Variants in GAS7 observed in about 807,000 individuals in gnomAD.
GAS7 encodes growth arrest specific 7, also known as growth arrest-specific protein 7.
GAS7 carries 28 observed loss-of-function variants against 71.1 expected under a neutral mutation model. The observed-to-expected ratio is 0.39, with a 90% CI of 0.29 to 0.54. The LOEUF is 0.54. GAS7 is among the 20% of genes least tolerant of loss of function. The pLI, the probability that GAS7 is intolerant of heterozygous loss-of-function variation, is 0.62. For synonymous variants in GAS7, 258 were observed against 245.8 expected, an observed-to-expected ratio of 1.05 and a Z score of -0.46; for missense variants, 436 against 627.8, an observed-to-expected ratio of 0.69 and a Z score of 3.27.
At position 9,918,037 on chromosome 17, in the gene GAS7, C is replaced by T. The variant is rs568083945; in HGVS notation, c.1281G>A (p.Thr427=). ...EMIRQHLCQY[T]QLRHETDMFN... ...ACATGTCTGTTTCATGCCGCAGCTG[C>T]GTGTACTGGCACAGGTGCTGCCGGA... Residue 427 remains threonine, a synonymous_variant, in exon 13 of 14, where the codon ACG becomes ACA. Coordinates refer to ENST00000432992, the MANE Select transcript of GAS7 (RefSeq NM_201433.2). The T allele has an allele frequency of 1.3e-4, 215 of 1,613,816 alleles. 1 individual carries two copies. Among genetic ancestry groups the T allele is most frequent in the South Asian group, 6.6e-4 (60 of 91,084 alleles).
intron 2 of GAS7, among the ~76,000 whole-genome samples, chr17:10,001,156 C>T (rs1036577829): frequency 6.6e-6 from 1 of 151,984 alleles, no homozygotes; most frequent in Non-Finnish European, 1.5e-5. Context: ...CTAGAAGATT[C>T]GAGCAGGAAA....
intron 1 of GAS7, among the ~76,000 whole-genome samples, chr17:10,174,648 C>G (rs554299472): frequency 0.022 from 3,336 of 151,604 alleles, 146 homozygotes; most frequent in African/African-American, 0.077. Flanking sequence ...GCTGAGATCG[C>G]ACCACTGCAC....
intron 1 of GAS7, among the ~76,000 whole-genome samples, chr17:10,155,118 G>A (rs1448217286): frequency 6.6e-5 from 10 of 151,926 alleles, no homozygotes; most frequent in African/African-American, 1.9e-4. Context: ...GGGTTCAAGC[G>A]ATTCTCCTGT....
At chr17:9,968,232 G>A (rs2069803717) in intron 4 of GAS7, among the ~76,000 whole-genome samples, 1 of 152,200 alleles carries the variant, frequency 6.6e-6, no homozygotes, top group Non-Finnish European at 1.5e-5. Flanking sequence ...AGCCACGGTT[G>A]ATTCATGATG....
intron 1 of GAS7, among the ~76,000 whole-genome samples, chr17:10,148,771 A>G (rs1349577369): frequency 9.9e-5 from 14 of 141,834 alleles, no homozygotes; most frequent in Non-Finnish European, 1.9e-4. Flanking sequence ...TTAGCTGGGC[A>G]TGGTGGCGGG....
chr17:10,056,532 A>T (rs2152239618), intron 1 of GAS7, among the ~76,000 whole-genome samples: 1 of 149,972 alleles, frequency 6.7e-6, no homozygotes, highest in Non-Finnish European at 1.5e-5. Context: ...AAATAAATTA[A>T]AAAAAAAAGA....
At chr17:10,056,847 C>T (rs2073145647) in intron 1 of GAS7, among the ~76,000 whole-genome samples, 1 of 152,196 alleles carries the variant, frequency 6.6e-6, no homozygotes, top group African/African-American at 2.4e-5. Flanking sequence ...CGAGCCGAAG[C>T]TAGACTGTAC....
Position 10,057,581 on chromosome 17 carries a change from G to A in GAS7, c.184-37684C>T, listed in dbSNP as rs954716134. Among the ~76,000 whole-genome samples, 3 of 142,920 alleles carry A rather than the reference G, an allele frequency of 2.1e-5. No individual in the cohort carries two copies. The East Asian group carries it at 6.3e-4, about 30-fold the overall frequency. The allele number at this position is 142,920 out of a possible 152,430, so 93.8% of individuals were successfully genotyped here. A position where few individuals can be genotyped will look rare whatever the true frequency, so the allele number is the denominator to read the frequency against. The stretch of plus-strand genomic sequence containing the variant: ...GGCAGCCGCCCCGTCAGGGAGGGAG[G>A]TGGGGGGCAGCCCCCGCCCGGCCAG... On this transcript the variant is annotated intron_variant, in intron 1 of 13. Transcript: ENST00000432992.
intron 11 of GAS7, among the ~76,000 whole-genome samples, chr17:9,921,127 T>C (rs181182218): frequency 2.0e-5 from 3 of 151,630 alleles, no homozygotes; most frequent in Admixed American, 2.0e-4. Context: ...GAGAAGAAAG[T>C]GGATGCTGCA....
intron 1 of GAS7, among the ~76,000 whole-genome samples, chr17:10,086,362 G>A (rs1354474516): frequency 6.6e-6 from 1 of 152,134 alleles, no homozygotes; most frequent in South Asian, 2.1e-4. Flanking sequence ...GATCATATCT[G>A]GGGAGATAAG....
At chr17:9,936,472 A>T (rs1352485004) in intron 8 of GAS7, among the ~76,000 whole-genome samples, 5 of 152,104 alleles carry the variant, frequency 3.3e-5, no homozygotes, top group Non-Finnish European at 7.4e-5. Context: ...AGGAAGAACC[A>T]TGGTTTTCCC....
intron 1 of GAS7, among the ~76,000 whole-genome samples, chr17:10,093,629 A>G (rs569352789): frequency 8.6e-5 from 13 of 151,274 alleles, no homozygotes; most frequent in Non-Finnish European, 1.2e-4. Context: ...GCTCCCATGG[A>G]AAGAGGGGCC....
intron 1 of GAS7, among the ~76,000 whole-genome samples, chr17:10,048,916 T>C (rs982431955): frequency 7.2e-5 from 11 of 152,200 alleles, no homozygotes; most frequent in African/African-American, 2.7e-4. Flanking sequence ...ATTTTCCAGC[T>C]CATTGCGGGG....
chr17:10,190,804 A>C (rs1343609131), intron 1 of GAS7, among the ~76,000 whole-genome samples: 1 of 151,968 alleles, frequency 6.6e-6, no homozygotes. Context: ...CACATAAAAT[A>C]CACTAACGCT....
rs377301600 is a variant in GAS7 at position 9,981,148 on chromosome 17, C to T, written c.385+656G>A. ...CTCTACTAAAAATACACAAATTAGC[C>T]GGGTGTGGTGGTGCGCACCTGCAAT... On this transcript the variant is annotated intron_variant, in intron 3 of 13. Coordinates refer to ENST00000432992, the MANE Select transcript of GAS7 (RefSeq NM_201433.2). The surrounding 1 kb of genome is among the most constrained non-coding windows in gnomAD (Gnocchi z 4.4). 3.3e-3 allele frequency among the ~76,000 whole-genome samples: 509 copies of T among 152,110 alleles called. 3 individuals carry two copies. Among genetic ancestry groups the T allele is most frequent in the African/African-American group, 0.011 (470 of 41,496 alleles).
intron 1 of GAS7, among the ~76,000 whole-genome samples, chr17:10,132,632 G>C (rs1041036101): frequency 1.3e-5 from 2 of 152,106 alleles, no homozygotes; most frequent in African/African-American, 2.4e-5. Context: ...TCCGGGTATG[G>C]TGGTGCGCGC....
intron 1 of GAS7, among the ~76,000 whole-genome samples, chr17:10,126,456 A>G (rs529463210): frequency 2.0e-5 from 3 of 151,392 alleles, no homozygotes; most frequent in South Asian, 2.1e-4. Context: ...GCGCGCGCAC[A>G]CGCACTCATG....
chr17:9,948,541 G>C (rs2068878551), intron 5 of GAS7, among the ~76,000 whole-genome samples: 2 of 152,254 alleles, frequency 1.3e-5, no homozygotes, highest in South Asian at 4.1e-4. Context: ...AAATTAGCCA[G>C]GCGTGGTGGC....
rs148532188 is a variant in GAS7 at position 10,059,446 on chromosome 17, T to C, written c.184-39549A>G. On this transcript the variant is annotated intron_variant, in intron 1 of 13. Coordinates refer to ENST00000432992, the MANE Select transcript of GAS7 (RefSeq NM_201433.2). ...CCCCTGCCCAAGTGGCTTTCTCTTC[T>C]TTCCAGACCCTTGGGTCATGGTGCG... 5.9e-5 allele frequency among the ~76,000 whole-genome samples: 9 copies of C among 152,318 alleles called. No homozygotes were observed. In the East Asian group the frequency reaches 1.7e-3, roughly 29 times the overall value.
Sources: allele counts gnomAD v4.1 joint callset (sites outside exome capture counted in the v4.1 genomes callset), GRCh38; gene constraint gnomAD v4.1.1; non-coding constraint Gnocchi (gnomAD v3.1); transcripts MANE v1.5; gene names NCBI Gene and HGNC (gene_info 2026-07-23, HGNC 2026-07-21).